The following CEP104 variants were observed in gnomAD, a reference collection of about 807,000 sequenced individuals.
The protein encoded by CEP104 is centrosomal protein of 104 kDa.
A neutral mutation model predicts 113.3 loss-of-function variants in CEP104; 84 were observed. The ratio of observed to expected loss-of-function variants is 0.74; its 90% CI spans 0.62 to 0.89. The LOEUF (loss-of-function observed/expected upper bound fraction) is 0.89. Ranked by LOEUF, CEP104 falls within the 40% of genes least tolerant of loss-of-function variation. The pLI is 0.00. For missense variants in CEP104, 1,053 were observed against 1,156.6 expected, an observed-to-expected ratio of 0.91 and a Z score of 1.30; for synonymous variants, 378 against 421.7, an observed-to-expected ratio of 0.90 and a Z score of 1.27.
chr1:3,842,987 C>T (rs1331470868), intron 6 of CEP104: 2 of 393,618 alleles, frequency 5.1e-6, no homozygotes, highest in East Asian at 8.0e-5. Flanking sequence ...GGAGTTTTAC[C>T]ATGCTGGCCA....
chr1:3,825,927 G>C (rs780137572), intron 17 of CEP104, 61 bp from the exon 18 acceptor site: 3 of 1,108,556 alleles, frequency 2.7e-6, no homozygotes, highest in Non-Finnish European at 4.2e-6. Flanking sequence ...TGGCCGTTCC[G>C]CTCCCACGTC....
chr1:3,844,811 A>T, intron 6 of CEP104, 96 bp downstream of exon 6: 2 of 979,752 alleles, frequency 2.0e-6, no homozygotes, highest in Non-Finnish European at 3.2e-6. Context: ...AACTGAATTT[A>T]GAGGCTCTAA....
intron 2 of CEP104, among the ~76,000 whole-genome samples, chr1:3,851,664 T>C (rs767078663): frequency 3.3e-5 from 5 of 152,132 alleles, no homozygotes; most frequent in African/African-American, 7.2e-5. Context: ...TAATGAACAT[T>C]TGTTTTGAGA....
At chr1:3,837,186 G>A in intron 9 of CEP104, 106 bp downstream of exon 9, 1 of 885,026 alleles carries the variant, frequency 1.1e-6, no homozygotes, top group Admixed American at 2.2e-5. Flanking sequence ...GGGTCTGGCT[G>A]GGGAGCACTC....
rs968846304 is a variant in CEP104 at position 3,823,669 on chromosome 1, C to T, written c.2365-107G>A. ...CTCCCCTGCCCAGGGAGGTCTGTGCCGCCTGCACATGAAGTAAGCCACAGG... is the reference window on the plus strand; with the variant it reads ...CTCCCCTGCCCAGGGAGGTCTGTGCTGCCTGCACATGAAGTAAGCCACAGG... On this transcript the variant is annotated intron_variant, in intron 18 of 21. Coordinates refer to ENST00000378230, the MANE Select transcript of CEP104 (RefSeq NM_014704.4). The surrounding 1 kb of genome is among the most constrained non-coding windows in gnomAD (Gnocchi z 4.1). 3.1e-5 allele frequency: 42 copies of T among 1,340,442 alleles called. No homozygotes were observed. Among genetic ancestry groups the T allele is most frequent in the Middle Eastern group, 2.0e-4 (1 of 5,032 alleles). 83.0% of individuals were successfully genotyped at this position (1,340,442 alleles called of 1,614,324 possible). A position where few individuals can be genotyped will look rare whatever the true frequency, so the allele number is the denominator to read the frequency against.
chr1:3,820,614 A>G (rs1643954817), intron 20 of CEP104, among the ~76,000 whole-genome samples: 1 of 152,150 alleles, frequency 6.6e-6, no homozygotes, highest in East Asian at 1.9e-4. Context: ...TAATTACAGA[A>G]CTTAATTCTT....
At chr1:3,824,333 G>A (rs943249747) in intron 18 of CEP104, among the ~76,000 whole-genome samples, 1 of 152,108 alleles carries the variant, frequency 6.6e-6, no homozygotes, top group Non-Finnish European at 1.5e-5. Context: ...TGATCCGCCC[G>A]CCTCAGCCTC....
chr1:3,848,813 A>C, intron 2 of CEP104, 32 bp from the exon 3 acceptor site: 1 of 1,583,560 alleles, frequency 6.3e-7, no homozygotes, highest in Non-Finnish European at 8.6e-7. Flanking sequence ...TATTTTCTGA[A>C]CAACTTCTGC....
At chr1:3,836,474 T>TG (rs770359793) in intron 10 of CEP104, 21 bp downstream of exon 10, 60 of 1,415,812 alleles carry the variant, frequency 4.2e-5, no homozygotes, top group Admixed American at 1.3e-4. Flanking sequence ...CCCCGTTTTT[T>TG]TTTTTTTTTT....
At chr1:3,844,453 G>A (rs1010187179) in intron 6 of CEP104, among the ~76,000 whole-genome samples, 1 of 152,032 alleles carries the variant, frequency 6.6e-6, no homozygotes, top group Non-Finnish European at 1.5e-5. Flanking sequence ...AGCCGAGATC[G>A]TGCCACTGCA....
chr1:3,823,610 C>A lies in CEP104; in HGVS notation c.2365-48G>T, dbSNP rs758515826. On this transcript the variant is annotated intron_variant, in intron 18 of 21. Transcript: ENST00000378230. This position sits in a 1 kb window ranked among gnomAD's most constrained non-coding sequence, Gnocchi z 4.1. ...AAGCATGTTGCTGAGAAAGCGGCAG[C>A]GCCCTCCAGCCAGCCTGCAGAGCCT... is the stretch of plus-strand genomic sequence containing the variant. 1 of 1,611,628 alleles carries A rather than the reference C, an allele frequency of 6.2e-7. No individual in the cohort carries two copies. Among genetic ancestry groups the A allele is most frequent in the Non-Finnish European group, 8.5e-7 (1 of 1,179,000 alleles).
chr1:3,835,234 A>G (rs1167855928), intron 10 of CEP104, 142 bp from the exon 11 acceptor site: 1 of 563,122 alleles, frequency 1.8e-6, no homozygotes, highest in Non-Finnish European at 2.8e-6. Context: ...TTCATTTCTA[A>G]TAATAGAACT....
intron 2 of CEP104, among the ~76,000 whole-genome samples, chr1:3,848,982 A>ATTGAAATT (rs1046812690): frequency 2.6e-5 from 4 of 152,136 alleles, no homozygotes; most frequent in African/African-American, 9.7e-5. Flanking sequence ...GAAGCTGGGA[A>ATTGAAATT]TTGAAATTTG....
chr1:3,816,597 C>G lies in CEP104; in HGVS notation c.2572-227G>C, dbSNP rs11809965. 0.24 allele frequency: 114,195 copies of G among 481,678 alleles called. 16,489 individuals are homozygous for G. The highest frequency in any genetic ancestry group is 0.31 in the Non-Finnish European group (84,126 of 269,342). The allele number at this position is 481,678 out of a possible 1,614,324, so 29.8% of individuals were successfully genotyped here. A position where few individuals can be genotyped will look rare whatever the true frequency, so the allele number is the denominator to read the frequency against. The stretch of plus-strand genomic sequence containing the variant: ...GGAAGCAAGAAGTCCTGTCACCAGG[C>G]AAGCCTGCATCTCGCATCCCCACCC... On this transcript the variant is annotated intron_variant, in intron 20 of 21. Coordinates refer to ENST00000378230, the MANE Select transcript of CEP104 (RefSeq NM_014704.4).
intron 6 of CEP104, among the ~76,000 whole-genome samples, chr1:3,844,669 G>A (rs2124685792): frequency 7.9e-6 from 1 of 126,178 alleles, no homozygotes; most frequent in East Asian, 2.1e-4. Context: ...TTACACTCCG[G>A]CCTGGGCAGC....
chr1:3,843,277 G>C lies in CEP104; in HGVS notation c.566+1630C>G, dbSNP rs1268618234. On this transcript the variant is annotated intron_variant, in intron 6 of 21. Coordinates refer to ENST00000378230, the MANE Select transcript of CEP104 (RefSeq NM_014704.4). Reference sequence around the variant, plus strand: ...AGGGTGACCGAGGATGGCACAGCGGGGCCCTTTAGCTCCCCAAAAGTGGAT... The same window carrying C: ...AGGGTGACCGAGGATGGCACAGCGGCGCCCTTTAGCTCCCCAAAAGTGGAT... The C allele has an allele frequency of 4.3e-6, 3 of 703,242 alleles. No individual in the cohort carries two copies. In the Admixed American group the frequency reaches 6.2e-5, roughly 15 times the overall value. 43.6% of individuals were successfully genotyped at this position (703,242 alleles called of 1,614,324 possible).
intron 12 of CEP104, among the ~76,000 whole-genome samples, chr1:3,832,687 T>G (rs1378749930): frequency 6.6e-6 from 1 of 152,158 alleles, no homozygotes; most frequent in African/African-American, 2.4e-5. Context: ...AATGACCCCT[T>G]TGGATTCTTC....
In CEP104 at chr1:3,833,960, C is replaced by G; in HGVS notation, c.1561G>C (p.Glu521Gln). 6.2e-7 allele frequency: 1 copy of G among 1,613,646 alleles called. No homozygotes were observed. Among genetic ancestry groups the G allele is most frequent in the Non-Finnish European group, 8.5e-7 (1 of 1,179,544 alleles). ...YIPKHKLSKL[E>Q]TAHCVERTIP... The stretch of plus-strand genomic sequence containing the variant: ...GTCCTCTCCACACAGTGAGCTGTTT[C>G]AAGTTTACTCAGTTTATGTTTAGGA... The change falls in exon 12 of 22, where the codon GAA becomes CAA. Residue 521 changes from glutamate (E) to glutamine (Q), a missense_variant. Coordinates refer to ENST00000378230, the MANE Select transcript of CEP104 (RefSeq NM_014704.4).
chr1:3,815,488 G>A lies in CEP104; in HGVS notation c.2692C>T (p.Pro898Ser). The A allele has an allele frequency of 6.2e-7, 1 of 1,609,744 alleles. No individual in the cohort carries two copies. Among genetic ancestry groups the A allele is most frequent in the Non-Finnish European group, 8.5e-7 (1 of 1,178,272 alleles). Residue 898 changes from proline (P) to serine (S), a missense_variant, in exon 22 of 22, where the codon CCC (proline) becomes TCC (serine). Transcript: ENST00000378230. Reference protein sequence around the residue: ...GKSSAVAASGPLGSKAGSKIP... With the variant: ...GKSSAVAASGSLGSKAGSKIP... The stretch of plus-strand genomic sequence containing the variant: ...TTGCTTCCGGCCTTTGACCCCAAGG[G>A]GCCTGATGCGGCCACAGCTGAGCTT...
Sources: gnomAD v4.1 joint callset for allele counts (sites outside exome capture counted in the v4.1 genomes callset) on GRCh38, gnomAD v4.1.1 for gene constraint, Gnocchi (gnomAD v3.1) non-coding constraint, MANE v1.5 for transcripts, NCBI Gene and HGNC (gene_info 2026-07-23, HGNC 2026-07-21) for gene names.